The following IGF1R variants were observed in gnomAD, a reference collection of about 807,000 sequenced individuals.
The protein encoded by IGF1R is insulin-like growth factor 1 receptor.
In IGF1R, 44 loss-of-function variants were observed where a neutral mutation model predicts 144.6. The observed-to-expected ratio is 0.30, with a 90% confidence interval of 0.24 to 0.39. The LOEUF (loss-of-function observed/expected upper bound fraction) is 0.39. Among genes scored for constraint, IGF1R ranks in the 10% least tolerant of loss-of-function variants. The probability of loss-of-function intolerance (pLI) is 1.00; values close to 1 mark genes in which losing one functional copy is unlikely to be tolerated. For missense variants in IGF1R, 1,355 were observed against 1,833.7 expected (o/e 0.74, Z 4.77); for synonymous variants, 795 against 722.8 (o/e 1.10, Z -1.60).
intron 1 of IGF1R, among the ~76,000 whole-genome samples, chr15:98,684,999 G>A (rs2053289986): frequency 7.0e-6 from 1 of 143,190 alleles, no homozygotes; most frequent in Non-Finnish European, 1.5e-5. Flanking sequence ...TTGGAATGCA[G>A]TGGCATGGTC....
rs2014121316 is a variant in IGF1R at position 98,895,187 on chromosome 15, T to G, written c.954-1570T>G. ...TCTGTATCTTGATTGTAGTTGTGAT[T>G]ACACAAATCTACACAAGTGATCAGT... is the stretch of plus-strand genomic sequence containing the variant. On this transcript the variant is annotated intron_variant, in intron 3 of 20. Transcript: ENST00000650285. Among the ~76,000 whole-genome samples the G allele has an allele frequency of 2.7e-5, 4 of 147,940 alleles. No homozygotes were observed. In the South Asian group the frequency reaches 8.6e-4, roughly 32 times the overall value.
chr15:98,818,058 G>A (rs1429235986), intron 2 of IGF1R, among the ~76,000 whole-genome samples: 1 of 152,214 alleles, frequency 6.6e-6, no homozygotes, highest in Admixed American at 6.5e-5. Flanking sequence ...AGAGCAAGCT[G>A]TGGTGTCTCT....
intron 2 of IGF1R, among the ~76,000 whole-genome samples, chr15:98,739,376 C>T (rs1000222662): frequency 1.3e-5 from 2 of 152,130 alleles, no homozygotes; most frequent in African/African-American, 4.8e-5. Flanking sequence ...TTTTCATGAT[C>T]TCCCCCAAAG....
Position 98,915,561 on chromosome 15 carries a change from C to T in IGF1R, c.1829-403C>T, listed in dbSNP as rs541559988. On this transcript the variant is annotated intron_variant, in intron 8 of 20. Transcript: ENST00000650285. ...AGAGATTCAAAATCTCAGATGAAAT[C>T]CAAGTCAGCCTGTTTTACCAGTTGT... Among the ~76,000 whole-genome samples, 311 of 152,320 alleles carry T rather than the reference C, an allele frequency of 2.0e-3. 1 individual carries two copies. The highest frequency in any genetic ancestry group is 0.018 in the South Asian group (87 of 4,826).
At chr15:98,790,623 C>T (rs759114730) in intron 2 of IGF1R, among the ~76,000 whole-genome samples, 2 of 152,112 alleles carry the variant, frequency 1.3e-5, no homozygotes, top group Non-Finnish European at 2.9e-5. Flanking sequence ...CACAGCAGAC[C>T]CTTCTGTCTC....
intron 19 of IGF1R, among the ~76,000 whole-genome samples, chr15:98,946,879 G>C (rs113319556): frequency 6.6e-6 from 1 of 152,236 alleles, no homozygotes; most frequent in Non-Finnish European, 1.5e-5. Flanking sequence ...ACATCCTCAG[G>C]CCATTTCCCA....
intron 1 of IGF1R, among the ~76,000 whole-genome samples, chr15:98,700,640 T>C (rs1396336093): frequency 6.6e-6 from 1 of 152,216 alleles, no homozygotes; most frequent in Non-Finnish European, 1.5e-5. Flanking sequence ...TGTCTCAGTC[T>C]GCTTTCTAGC....
intron 2 of IGF1R, among the ~76,000 whole-genome samples, chr15:98,805,110 G>T (rs544052381): frequency 7.1e-4 from 108 of 152,194 alleles, no homozygotes; most frequent in Non-Finnish European, 1.3e-3. Flanking sequence ...TTTTGGGAGT[G>T]GTTTTATATT....
intron 2 of IGF1R, among the ~76,000 whole-genome samples, chr15:98,716,646 C>T (rs992923967): frequency 2.0e-5 from 3 of 152,166 alleles, no homozygotes; most frequent in South Asian, 2.1e-4. Context: ...CCCTGGTAAA[C>T]GTTTGAACTG....
intron 2 of IGF1R, among the ~76,000 whole-genome samples, chr15:98,799,451 A>G (rs1305644832): frequency 6.6e-6 from 1 of 151,892 alleles, no homozygotes; most frequent in Non-Finnish European, 1.5e-5. Flanking sequence ...AAAGCTTGGC[A>G]TAATTTCTGT....
intron 5 of IGF1R, among the ~76,000 whole-genome samples, chr15:98,900,229 A>G (rs1183040054): frequency 6.6e-6 from 1 of 152,250 alleles, no homozygotes; most frequent in East Asian, 1.9e-4. Context: ...ACTGGAGGAT[A>G]AAAGCCGGTG....
chr15:98,958,613 G>A lies in IGF1R; in HGVS notation c.*1171G>A, dbSNP rs1469528450. 8.6e-6 allele frequency: 2 copies of A among 232,556 alleles called. No homozygotes were observed. The highest frequency in any genetic ancestry group is 1.7e-5 in the Non-Finnish European group (2 of 117,442). The allele number at this position is 232,556 out of a possible 1,614,324, so 14.4% of individuals were successfully genotyped here. On this transcript the variant is annotated 3_prime_UTR_variant, in exon 21 of 21. Transcript: ENST00000650285. ...TCATGGGTCTTACAGTTCTATGTTAGACCATGAAACATTTGCATACACATC... is the reference window on the plus strand; with the variant it reads ...TCATGGGTCTTACAGTTCTATGTTAAACCATGAAACATTTGCATACACATC...
At chr15:98,672,145 C>G (rs138821086) in intron 1 of IGF1R, among the ~76,000 whole-genome samples, 266 of 152,308 alleles carry the variant, frequency 1.7e-3, no homozygotes, top group Non-Finnish European at 2.9e-3. Context: ...GCACACGTTT[C>G]ATTTTTGCCT....
chr15:98,670,985 G>T (rs1446359133), intron 1 of IGF1R, among the ~76,000 whole-genome samples: 3 of 152,122 alleles, frequency 2.0e-5, no homozygotes, highest in Non-Finnish European at 4.4e-5. Context: ...GTTTTCTATT[G>T]AGTTGTCATA....
At chr15:98,808,074 T>C (rs1014741107) in intron 2 of IGF1R, among the ~76,000 whole-genome samples, 1 of 152,198 alleles carries the variant, frequency 6.6e-6, no homozygotes, top group Non-Finnish European at 1.5e-5. Flanking sequence ...TCCATGTTGT[T>C]TGGGAATTGT....
At chr15:98,651,269 A>G (rs1278892868) in intron 1 of IGF1R, among the ~76,000 whole-genome samples, 10 of 152,232 alleles carry the variant, frequency 6.6e-5, no homozygotes, top group African/African-American at 2.4e-4. Context: ...TGAGTCCGCG[A>G]CGGAACGAGA....
At chr15:98,905,756 G>A (rs2014702122) in intron 5 of IGF1R, among the ~76,000 whole-genome samples, 1 of 152,028 alleles carries the variant, frequency 6.6e-6, no homozygotes, top group Non-Finnish European at 1.5e-5. Context: ...CACATTTACT[G>A]AATAATTTAC....
intron 2 of IGF1R, among the ~76,000 whole-genome samples, chr15:98,785,737 T>G (rs1301116959): frequency 6.6e-6 from 1 of 152,132 alleles, no homozygotes; most frequent in Non-Finnish European, 1.5e-5. Context: ...CTCTAGCCTG[T>G]ATTATTTTTC....
intron 18 of IGF1R, among the ~76,000 whole-genome samples, chr15:98,939,582 C>T (rs553563768): frequency 1.2e-4 from 19 of 152,316 alleles, no homozygotes; most frequent in African/African-American, 4.3e-4. Flanking sequence ...ATACTGGGCA[C>T]GGTCCCTGAG....
Sources: allele counts gnomAD v4.1 joint callset (sites outside exome capture counted in the v4.1 genomes callset), GRCh38; gene constraint gnomAD v4.1.1; transcripts MANE v1.5; gene names NCBI Gene and HGNC (gene_info 2026-07-23, HGNC 2026-07-21).